The following EPHA10 variants were observed in gnomAD, a reference collection of about 807,000 sequenced individuals.
The protein encoded by EPHA10 is ephrin type-A receptor 10.
Under a neutral mutation model 109.7 loss-of-function variants are expected in EPHA10, and 120 were observed. The observed-to-expected ratio is 1.09, with a 90% CI of 0.94 to 1.27. The LOEUF (loss-of-function observed/expected upper bound fraction) is 1.27. Ranked by LOEUF, EPHA10 falls within the 50% of genes most tolerant of loss-of-function variation. The pLI is 0.00. For synonymous variants in EPHA10, 640 were observed against 618.9 expected (o/e 1.03, Z -0.51); for missense variants, 1,396 against 1,411.1 (o/e 0.99, Z 0.17).
At position 37,720,416 on chromosome 1, in the gene EPHA10, C is replaced by T. The variant is rs778263000; in HGVS notation, c.2347G>A (p.Val783Ile). ...CGCCCGAAGCCAGAGATCTTGCAGA[C>T]AAGGTCGCTGCTGACCAGCACATGG... ...ARHVLVSSDL[V>I]CKISGFGRGP... Residue 783 changes from valine to isoleucine, a missense_variant, in exon 13 of 17, where the codon GTC (valine) becomes ATC (isoleucine). By Grantham distance (29) the Val-to-Ile change is conservative (BLOSUM62 3). Coordinates refer to ENST00000373048, the MANE Select transcript of EPHA10 (RefSeq NM_001099439.2). The T allele has an allele frequency of 6.2e-7, 1 of 1,613,378 alleles. No homozygotes were observed. The highest frequency in any genetic ancestry group is 2.2e-5 in the East Asian group (1 of 44,902).
chr1:37,721,585 T>C, intron 11 of EPHA10, 75 bp downstream of exon 11: 1 of 1,456,844 alleles, frequency 6.9e-7, no homozygotes, highest in Non-Finnish European at 9.2e-7. Flanking sequence ...GCAGGGGCAC[T>C]CCAAACTCCC....
At chr1:37,723,688 G>C (rs115094497) in intron 8 of EPHA10, among the ~76,000 whole-genome samples, 2,145 of 152,344 alleles carry the variant, frequency 0.014, 52 homozygotes, top group African/African-American at 0.048. Context: ...CCCCGCATGC[G>C]GTTTTGTGAA....
At chr1:37,731,113 C>A (rs892436919) in intron 7 of EPHA10, among the ~76,000 whole-genome samples, 1 of 152,164 alleles carries the variant, frequency 6.6e-6, no homozygotes, top group Non-Finnish European at 1.5e-5. Context: ...ATGTTTGGGT[C>A]TCTATCCAAA....
At chr1:37,719,336 G>A (rs935427250) in intron 15 of EPHA10, 78 bp downstream of exon 15, 47 of 1,497,354 alleles carry the variant, frequency 3.1e-5, no homozygotes, top group East Asian at 1.9e-4. Context: ...TGGTGGAGGC[G>A]GTGGGTTTGC....
Position 37,717,303 on chromosome 1 carries a change from A to T in EPHA10, c.*1069T>A, listed in dbSNP as rs1008177597. ...GTGCCCAAGGCACGGAGCTGGCTGG[A>T]GGGGAGTCGCCTCTAGAGTCCCCAA... On this transcript the variant is annotated 3_prime_UTR_variant, in exon 17 of 17. Transcript: ENST00000373048. 3 of 232,456 alleles carry T rather than the reference A, an allele frequency of 1.3e-5. No homozygotes were observed. The highest frequency in any genetic ancestry group is 2.5e-5 in the Non-Finnish European group (3 of 117,680). The allele number at this position is 232,456 out of a possible 1,614,324, so 14.4% of individuals were successfully genotyped here. A position where few individuals can be genotyped will look rare whatever the true frequency, so the allele number is the denominator to read the frequency against.
chr1:37,719,441 G>T lies in EPHA10; in HGVS notation c.2729C>A (p.Pro910His), dbSNP rs1296435537. Reference protein sequence around the residue: ...LSKMVQDPEPPKCALTTCPRP... With the variant: ...LSKMVQDPEPHKCALTTCPRP... Reference sequence around the variant, plus strand: ...GGGACAGGTAGTCAGGGCACACTTGGGGGGCTCTGGGTCCTGCACCATCTT... The same window carrying T: ...GGGACAGGTAGTCAGGGCACACTTGTGGGGCTCTGGGTCCTGCACCATCTT... Residue 910 changes from proline to histidine, a missense_variant, in exon 15 of 17, where the codon CCC becomes CAC. Coordinates refer to ENST00000373048, the MANE Select transcript of EPHA10 (RefSeq NM_001099439.2). 2 of 1,613,552 alleles carry T rather than the reference G, an allele frequency of 1.2e-6. No homozygotes were observed. Among genetic ancestry groups the T allele is most frequent in the Admixed American group, 1.7e-5 (1 of 59,998 alleles).
In EPHA10 at chr1:37,720,544, C is replaced by T; in HGVS notation, c.2219G>A (p.Gly740Glu). 1.9e-6 allele frequency: 3 copies of T among 1,610,474 alleles called. No individual in the cohort carries two copies. Among genetic ancestry groups the T allele is most frequent in the Non-Finnish European group, 2.5e-6 (3 of 1,178,656 alleles). ...CATCAGTTGCCCAGCCACCAGCTGCCCCTCGTGCCGCTGTGGAGGGAGAAG... is the reference window on the plus strand; with the variant it reads ...CATCAGTTGCCCAGCCACCAGCTGCTCCTCGTGCCGCTGTGGAGGGAGAAG... ...ALDGFLRRHE[G>E]QLVAGQLMGL... Residue 740 changes from glycine to glutamate, a missense_variant, in exon 13 of 17, where the codon GGG becomes GAG. Transcript: ENST00000373048.
intron 5 of EPHA10, among the ~76,000 whole-genome samples, 159 bp downstream of exon 5, chr1:37,752,717 G>A (rs1006960907): frequency 3.3e-5 from 5 of 149,884 alleles, no homozygotes; most frequent in Admixed American, 6.7e-5. Context: ...CGTCCGGGGG[G>A]GTGACTTTGT....
At position 37,752,860 on chromosome 1, in the gene EPHA10, G is replaced by A. The variant is rs1569755649; in HGVS notation, c.1357+16C>T. On this transcript the variant is annotated intron_variant, in intron 5 of 16. Coordinates refer to ENST00000373048, the MANE Select transcript of EPHA10 (RefSeq NM_001099439.2). ...AGGCGCGGTGGCCTCGGGGTGGGGGGCGCGGACGGCCTTACCCCCGGGCCC... is the reference window on the plus strand; with the variant it reads ...AGGCGCGGTGGCCTCGGGGTGGGGGACGCGGACGGCCTTACCCCCGGGCCC... The A allele has an allele frequency of 4.0e-6, 5 of 1,257,472 alleles. No individual in the cohort carries two copies. The East Asian group carries it at 9.6e-5, about 24-fold the overall frequency. 77.9% of individuals were successfully genotyped at this position (1,257,472 alleles called of 1,614,324 possible). A position where few individuals can be genotyped will look rare whatever the true frequency, so the allele number is the denominator to read the frequency against.
chr1:37,732,271 A>G (rs1432398828), intron 6 of EPHA10, among the ~76,000 whole-genome samples: 4 of 152,052 alleles, frequency 2.6e-5, no homozygotes, highest in African/African-American at 9.7e-5. Flanking sequence ...GTTCACATCA[A>G]GGAAGGGGCT....
rs548429779 is a variant in EPHA10 at position 37,728,519 on chromosome 1, C to T, written c.1664-1309G>A. 3.4e-4 allele frequency among the ~76,000 whole-genome samples: 51 copies of T among 152,206 alleles called. No homozygotes were observed. The South Asian group carries it at 9.6e-3, about 29-fold the overall frequency. ...AGTACACCTCTTTAGGCAGCTTCCG[C>T]GTGGGACACAGGGAGGAGAAAGGTC... On this transcript the variant is annotated intron_variant, in intron 7 of 16. Transcript: ENST00000373048.
rs767889416 is a variant in EPHA10 at position 37,762,867 on chromosome 1, C to T, written c.107-18G>A. The T allele has an allele frequency of 9.7e-6, 15 of 1,545,116 alleles. No individual in the cohort carries two copies. The highest frequency in any genetic ancestry group is 1.2e-5 in the Non-Finnish European group (14 of 1,143,810). ...GAGGATAACTAAGGAGAGGGGAAGACAGAAATATCAGAAATCGAGAAGGTC... is the reference window on the plus strand; with the variant it reads ...GAGGATAACTAAGGAGAGGGGAAGATAGAAATATCAGAAATCGAGAAGGTC... On this transcript the variant is annotated intron_variant, in intron 1 of 16. Coordinates refer to ENST00000373048, the MANE Select transcript of EPHA10 (RefSeq NM_001099439.2).
chr1:37,756,380 G>A (rs1159738808), intron 3 of EPHA10, among the ~76,000 whole-genome samples: 2 of 152,212 alleles, frequency 1.3e-5, no homozygotes, highest in Non-Finnish European at 2.9e-5. Flanking sequence ...CTCCCCACAA[G>A]TGTATGAGGG....
chr1:37,726,661 T>C (rs546497235), intron 8 of EPHA10, among the ~76,000 whole-genome samples: 21 of 152,330 alleles, frequency 1.4e-4, no homozygotes, highest in African/African-American at 4.6e-4. Context: ...TTCTGCTTTA[T>C]GAAATGCCCT....
rs757978080 is a variant in EPHA10 at position 37,716,437 on chromosome 1, T to C, written c.*1935A>G. 2.1e-5 allele frequency: 5 copies of C among 234,140 alleles called. No individual in the cohort carries two copies. Among genetic ancestry groups the C allele is most frequent in the Non-Finnish European group, 4.2e-5 (5 of 118,916 alleles). The allele number at this position is 234,140 out of a possible 1,614,324, so 14.5% of individuals were successfully genotyped here. A position where few individuals can be genotyped will look rare whatever the true frequency, so the allele number is the denominator to read the frequency against. On this transcript the variant is annotated 3_prime_UTR_variant, in exon 17 of 17. Transcript: ENST00000373048. ...CAGGAGGGGTGGGGAAGGCGGATCC[T>C]GGAGGGCACCTGGCCGGGGGCTCCC...
rs1258405201 is a variant in EPHA10, at chr1:37,717,904, T to G, written c.*468A>C. 4.2e-6 allele frequency: 1 copy of G among 239,798 alleles called. No homozygotes were observed. The highest frequency in any genetic ancestry group is 2.2e-5 in the African/African-American group (1 of 45,320). The allele number at this position is 239,798 out of a possible 1,614,324, so 14.9% of individuals were successfully genotyped here. A position where few individuals can be genotyped will look rare whatever the true frequency, so the allele number is the denominator to read the frequency against. ...CCCGACGCCTGAGCCACCAGGCAGC[T>G]GCAGTCACTGCCAGGTAGAAGAAGA... is the stretch of plus-strand genomic sequence containing the variant. On this transcript the variant is annotated 3_prime_UTR_variant, in exon 17 of 17. Transcript: ENST00000373048.
rs772839950 is a variant in EPHA10 at position 37,754,216 on chromosome 1, G to A, written c.1005C>T (p.Thr335=). The part of the protein sequence containing the change: ...SPTDPPSASC[T]RPPSAPRDLQ... ...GTGCAGCCTGGAGGGGGGACTCACGGGTGCAGGAAGCCGAGGGCGGGTCGG... is the reference window on the plus strand; with the variant it reads ...GTGCAGCCTGGAGGGGGGACTCACGAGTGCAGGAAGCCGAGGGCGGGTCGG... Residue 335 remains threonine, a splice_region_variant and synonymous_variant, in exon 4 of 17, where the codon ACC becomes ACT. Coordinates refer to ENST00000373048, the MANE Select transcript of EPHA10 (RefSeq NM_001099439.2). This position sits in a 1 kb window ranked among gnomAD's most constrained non-coding sequence, Gnocchi z 4.5. 7.7e-7 allele frequency: 1 copy of A among 1,294,362 alleles called. No individual in the cohort carries two copies. The highest frequency in any genetic ancestry group is 3.1e-5 in the East Asian group (1 of 32,302). The allele number at this position is 1,294,362 out of a possible 1,614,324, so 80.2% of individuals were successfully genotyped here. A position where few individuals can be genotyped will look rare whatever the true frequency, so the allele number is the denominator to read the frequency against.
Position 37,720,359 on chromosome 1 carries a change from TG to T in EPHA10, c.2403del (p.Tyr801Ter), listed in dbSNP as rs751886377. The T allele has an allele frequency of 8.1e-6, 13 of 1,605,796 alleles. No homozygotes were observed. The South Asian group carries it at 1.4e-4, about 18-fold the overall frequency. On this transcript the variant is annotated frameshift_variant, in exon 13 of 17. Coordinates refer to ENST00000373048, the MANE Select transcript of EPHA10 (RefSeq NM_001099439.2). LOFTEE classifies it high-confidence loss of function. ...RGPRDRSEAV[Y>X]TTMSGRSPAL... is the part of the protein sequence containing the mutation. ...GCTGGGGGCGCCCTCACCATAGTGG[TG>T]TAGACAGCCTCTGATCGGTCCCGGG... is the stretch of plus-strand genomic sequence containing the variant.
intron 3 of EPHA10, among the ~76,000 whole-genome samples, chr1:37,759,855 A>G (rs1047056552): frequency 2.6e-5 from 4 of 152,198 alleles, no homozygotes; most frequent in African/African-American, 9.6e-5. Flanking sequence ...AGATCAGTGC[A>G]TACCATGGGG....
Sources: allele counts gnomAD v4.1 joint callset (sites outside exome capture counted in the v4.1 genomes callset), GRCh38; gene constraint gnomAD v4.1.1; non-coding constraint Gnocchi (gnomAD v3.1); transcripts MANE v1.5; gene names NCBI Gene and HGNC (gene_info 2026-07-23, HGNC 2026-07-21).